NAV2: variants seen among roughly 807,000 people sequenced by gnomAD.
NAV2 encodes the protein helicase, APC down-regulated 1.
NAV2 carries 54 observed loss-of-function variants against 223.2 expected under a neutral mutation model. The observed-to-expected ratio is 0.24, with a 90% CI of 0.19 to 0.30. The LOEUF (loss-of-function observed/expected upper bound fraction) is 0.30, where lower values mean the gene tolerates loss of function less well. Ranked by LOEUF, NAV2 falls within the 10% of genes least tolerant of loss-of-function variation. The pLI, the probability that NAV2 is intolerant of heterozygous loss-of-function variation, is 1.00. For synonymous variants in NAV2, 1,279 were observed against 1,239.3 expected, an observed-to-expected ratio of 1.03 and a Z score of -0.67; for missense variants, 2,806 against 3,147.5, an observed-to-expected ratio of 0.89 and a Z score of 2.60.
At position 19,616,717 on chromosome 11, in the gene NAV2, T is replaced by G. The variant is rs555551663; in HGVS notation, c.76-215767T>G. On this transcript the variant is annotated intron_variant, in intron 1 of 37. Transcript: ENST00000360655. The stretch of plus-strand genomic sequence containing the variant: ...GTGACACTAGGCCTAGGATGGCTCC[T>G]CTGGCATAAGTGGTGAGAGGGCTCT... Among the ~76,000 whole-genome samples the G allele has an allele frequency of 8.5e-5, 13 of 152,088 alleles. No individual in the cohort carries two copies. In the South Asian group the frequency reaches 2.7e-3, roughly 32 times the overall value.
intron 1 of NAV2, among the ~76,000 whole-genome samples, chr11:19,455,476 T>C (rs1352447145): frequency 6.6e-6 from 1 of 152,194 alleles, no homozygotes; most frequent in African/African-American, 2.4e-5. Context: ...CATATGAAAT[T>C]GAATGAATTG....
At chr11:20,099,331 T>C (rs1483093885) in intron 31 of NAV2, among the ~76,000 whole-genome samples, 1 of 152,208 alleles carries the variant, frequency 6.6e-6, no homozygotes, top group Admixed American at 6.5e-5. Flanking sequence ...TGAGTTCAAA[T>C]TGCATTTCAT....
intron 1 of NAV2, among the ~76,000 whole-genome samples, chr11:19,811,309 G>A (rs1051292846): frequency 6.6e-6 from 1 of 152,142 alleles, no homozygotes. Context: ...CAAGGAGGAG[G>A]TCAGAGGGGG....
chr11:19,717,230 A>T (rs1478979363), intron 1 of NAV2, among the ~76,000 whole-genome samples: 1 of 152,186 alleles, frequency 6.6e-6, no homozygotes, highest in Non-Finnish European at 1.5e-5. Flanking sequence ...TTCTTTTTCC[A>T]TCCTGCTCTG....
intron 35 of NAV2, 71 bp from the exon 36 acceptor site, chr11:20,107,593 C>G (rs1366388404): frequency 1.7e-5 from 21 of 1,250,112 alleles, no homozygotes; most frequent in Non-Finnish European, 2.2e-5. Context: ...GGTGCTCGGA[C>G]CATGGCTTCA....
intron 1 of NAV2, among the ~76,000 whole-genome samples, chr11:19,747,711 A>G (rs2053496462): frequency 6.6e-6 from 1 of 152,142 alleles, no homozygotes; most frequent in African/African-American, 2.4e-5. Flanking sequence ...AGGCAGTAGC[A>G]TTGATCTGGT....
chr11:19,700,043 G>T (rs1019986186), intron 1 of NAV2, among the ~76,000 whole-genome samples: 3 of 152,182 alleles, frequency 2.0e-5, no homozygotes, highest in African/African-American at 7.2e-5. Flanking sequence ...CACACATTCA[G>T]ATATATCCAT....
Position 19,908,790 on chromosome 11 carries a change from G to A in NAV2, c.931+16196G>A, listed in dbSNP as rs76307939. On this transcript the variant is annotated intron_variant, in intron 6 of 37. Coordinates refer to ENST00000349880, the MANE Select transcript of NAV2 (RefSeq NM_145117.5). ...AAAAGGCCAAATATTGTATGATTCC[G>A]TTTATATGAAATCTCCAGAGTAGGC... Among the ~76,000 whole-genome samples, 77 of 152,158 alleles carry A rather than the reference G, an allele frequency of 5.1e-4. No individual in the cohort carries two copies. In the East Asian group the frequency reaches 9.5e-3, roughly 19 times the overall value.
At chr11:19,527,692 T>C (rs1043824167) in intron 1 of NAV2, among the ~76,000 whole-genome samples, 1 of 142,984 alleles carries the variant, frequency 7.0e-6, no homozygotes, top group Non-Finnish European at 1.5e-5. Context: ...AATCATGAAC[T>C]TCTGCAGCTT....
chr11:19,726,668 A>G (rs2051284224), intron 1 of NAV2, among the ~76,000 whole-genome samples: 2 of 152,080 alleles, frequency 1.3e-5, no homozygotes, highest in Non-Finnish European at 2.9e-5. Context: ...TTTTCTGCCC[A>G]CTTTTTGTGA....
intron 12 of NAV2, among the ~76,000 whole-genome samples, chr11:20,040,416 G>C (rs1393071988): frequency 6.6e-6 from 1 of 152,198 alleles, no homozygotes; most frequent in Non-Finnish European, 1.5e-5. Flanking sequence ...CATCAATGCT[G>C]TAAGAGACCT....
intron 2 of NAV2, 65 bp from the exon 3 acceptor site, chr11:19,842,806 T>C (rs944644929): frequency 1.4e-5 from 22 of 1,539,426 alleles, no homozygotes; most frequent in Admixed American, 5.0e-5. Context: ...TCAAGTGTCC[T>C]GAACATCACT....
intron 3 of NAV2, among the ~76,000 whole-genome samples, chr11:19,853,091 GC>G (rs1451586782): frequency 6.6e-6 from 1 of 152,176 alleles, no homozygotes; most frequent in African/African-American, 2.4e-5. Context: ...TATGTGAGAG[GC>G]ACCTGGAGAG....
intron 1 of NAV2, chr11:19,759,968 T>C (rs1214777424): frequency 6.5e-6 from 1 of 154,314 alleles, no homozygotes; most frequent in Non-Finnish European, 1.5e-5. Flanking sequence ...CTCCATAGCA[T>C]CCTTCAAAGC....
intron 12 of NAV2, among the ~76,000 whole-genome samples, chr11:20,039,644 C>T (rs935515933): frequency 3.3e-5 from 5 of 152,218 alleles, no homozygotes; most frequent in East Asian, 1.9e-4. Context: ...AACAAACACA[C>T]GCAACTCCCT....
At chr11:19,886,696 A>T (rs2041012027) in intron 5 of NAV2, among the ~76,000 whole-genome samples, 1 of 152,186 alleles carries the variant, frequency 6.6e-6, no homozygotes, top group South Asian at 2.1e-4. Context: ...ATCTAATTGG[A>T]AGCACATGCC....
chr11:20,033,525 G>A (rs34145333), intron 11 of NAV2, among the ~76,000 whole-genome samples: 30,596 of 152,126 alleles, frequency 0.2, 3,225 homozygotes, highest in Middle Eastern at 0.29. Context: ...TAGAATTACA[G>A]GAGTGAAGTG....
intron 1 of NAV2, among the ~76,000 whole-genome samples, chr11:19,373,173 G>T (rs1197185127): frequency 6.6e-6 from 1 of 152,138 alleles, no homozygotes; most frequent in Non-Finnish European, 1.5e-5. Flanking sequence ...CTGGGGCTCA[G>T]AACTTAGTCC....
At chr11:19,639,415 C>T (rs1410210891) in intron 1 of NAV2, among the ~76,000 whole-genome samples, 1 of 152,242 alleles carries the variant, frequency 6.6e-6, no homozygotes, top group African/African-American at 2.4e-5. Context: ...ATCACCATAA[C>T]TATTTTTAAG....
Sources: allele counts gnomAD v4.1 joint callset (sites outside exome capture counted in the v4.1 genomes callset), GRCh38; gene constraint gnomAD v4.1.1; transcripts MANE v1.5; gene names NCBI Gene and HGNC (gene_info 2026-07-23, HGNC 2026-07-21).